Variants in C13orf42 observed in about 807,000 individuals in gnomAD.
C13orf42 encodes chromosome 13 open reading frame 42.
intron 1 of C13orf42, among the ~76,000 whole-genome samples, chr13:51,169,466 T>A (rs1027788518): frequency 6.6e-6 from 1 of 152,124 alleles, no homozygotes; most frequent in Admixed American, 6.5e-5. Flanking sequence ...GCTGCAGAAA[T>A]TTGCATATGT....
At chr13:51,152,491 G>T (rs1050242817) in intron 1 of C13orf42, among the ~76,000 whole-genome samples, 1 of 152,154 alleles carries the variant, frequency 6.6e-6, no homozygotes, top group African/African-American at 2.4e-5. Flanking sequence ...TGGAACTACA[G>T]GTGCATGCCA....
chr13:51,084,680 C>T (rs1411621223), intron 3 of C13orf42, among the ~76,000 whole-genome samples: 1 of 152,262 alleles, frequency 6.6e-6, no homozygotes, highest in Non-Finnish European at 1.5e-5. Flanking sequence ...TTGACAGGCC[C>T]TTCCGTTGTG....
intron 1 of C13orf42, among the ~76,000 whole-genome samples, chr13:51,118,909 C>G (rs950292702): frequency 6.6e-6 from 1 of 152,082 alleles, no homozygotes; most frequent in African/African-American, 2.4e-5. Flanking sequence ...GTACAGTATG[C>G]CCAGGTGTAC....
chr13:51,132,394 C>T (rs994869125), intron 1 of C13orf42, among the ~76,000 whole-genome samples: 3 of 151,436 alleles, frequency 2.0e-5, no homozygotes, highest in Admixed American at 2.0e-4. Context: ...GATCGCGCCA[C>T]TGCAATCCAG....
chr13:51,124,426 C>T (rs1394963503), intron 1 of C13orf42, among the ~76,000 whole-genome samples: 2 of 152,142 alleles, frequency 1.3e-5, no homozygotes, highest in East Asian at 3.8e-4. Context: ...ATCCACTGGG[C>T]GGTTACATAA....
At chr13:51,145,532 A>AT (rs201962220) in intron 1 of C13orf42, among the ~76,000 whole-genome samples, 8 of 152,182 alleles carry the variant, frequency 5.3e-5, no homozygotes, top group South Asian at 2.1e-4. Context: ...TCTCCAAAAG[A>AT]TTTTTTTAAA....
At chr13:51,166,289 G>A (rs963962454) in intron 1 of C13orf42, among the ~76,000 whole-genome samples, 1 of 151,762 alleles carries the variant, frequency 6.6e-6, no homozygotes, top group African/African-American at 2.4e-5. Flanking sequence ...CATGTCCTTT[G>A]TAGGGACATG....
rs973612541 is a variant in C13orf42, at chr13:51,083,789, G to A, written c.*362C>T. ...GTTCATTTCTGGTACTGAGCACATTGCTAGCAGCCACCTGGACAGACACGT... is the reference window on the plus strand; with the variant it reads ...GTTCATTTCTGGTACTGAGCACATTACTAGCAGCCACCTGGACAGACACGT... On this transcript the variant is annotated 3_prime_UTR_variant, in exon 4 of 4. Coordinates refer to ENST00000563710, the MANE Select transcript of C13orf42 (RefSeq NM_001351589.3). 1.2e-4 allele frequency: 20 copies of A among 171,564 alleles called. No homozygotes were observed. The highest frequency in any genetic ancestry group is 4.7e-4 in the African/African-American group (20 of 42,396). The allele number at this position is 171,564 out of a possible 1,614,324, so 10.6% of individuals were successfully genotyped here.
intron 1 of C13orf42, among the ~76,000 whole-genome samples, chr13:51,170,266 T>C (rs1238182300): frequency 6.6e-6 from 1 of 152,188 alleles, no homozygotes; most frequent in Non-Finnish European, 1.5e-5. Context: ...AACAGCCATG[T>C]TGCTCACACA....
At chr13:51,085,254 G>A (rs1020843538) in intron 3 of C13orf42, 65 bp downstream of exon 3, 13 of 392,524 alleles carry the variant, frequency 3.3e-5, no homozygotes, top group Non-Finnish European at 3.6e-5. Context: ...GCACCTTAAG[G>A]ATCACCCCAA....
At chr13:51,098,859 T>G (rs746780808) in intron 1 of C13orf42, among the ~76,000 whole-genome samples, 4 of 152,164 alleles carry the variant, frequency 2.6e-5, no homozygotes, top group Non-Finnish European at 5.9e-5. Flanking sequence ...ATTTGGCAAA[T>G]TTTAGGAACT....
intron 1 of C13orf42, among the ~76,000 whole-genome samples, chr13:51,110,237 A>G (rs965782855): frequency 6.6e-6 from 1 of 152,234 alleles, no homozygotes; most frequent in Non-Finnish European, 1.5e-5. Context: ...TGACAACAAT[A>G]ATTTTTTAAA....
intron 1 of C13orf42, among the ~76,000 whole-genome samples, chr13:51,169,629 G>A (rs1242784910): frequency 2.0e-5 from 3 of 152,248 alleles, no homozygotes; most frequent in Non-Finnish European, 2.9e-5. Flanking sequence ...GCCACTCTGT[G>A]CAGCCTGGGG....
At chr13:51,103,676 G>A (rs377631780) in intron 1 of C13orf42, among the ~76,000 whole-genome samples, 6 of 150,242 alleles carry the variant, frequency 4.0e-5, no homozygotes, top group African/African-American at 5.0e-5. Flanking sequence ...ATACCAGCGC[G>A]GGCCACAGTG....
At chr13:51,150,660 T>G (rs984676896) in intron 1 of C13orf42, among the ~76,000 whole-genome samples, 2 of 152,210 alleles carry the variant, frequency 1.3e-5, no homozygotes, top group African/African-American at 4.8e-5. Context: ...TGCAGTGGAC[T>G]AATCCAGATG....
chr13:51,120,077 T>C (rs1487764943), intron 1 of C13orf42, among the ~76,000 whole-genome samples: 1 of 152,140 alleles, frequency 6.6e-6, no homozygotes, highest in Non-Finnish European at 1.5e-5. Flanking sequence ...CAATAAATGG[T>C]CACTCAATAA....
intron 1 of C13orf42, among the ~76,000 whole-genome samples, chr13:51,103,767 T>G (rs2137993923): frequency 6.6e-6 from 1 of 152,270 alleles, no homozygotes; most frequent in Middle Eastern, 3.4e-3. Flanking sequence ...GACGTTGTGC[T>G]AAGTGCCATA....
At chr13:51,172,144 G>C (rs568866532) in intron 1 of C13orf42, 1 of 152,130 alleles carries the variant, frequency 6.6e-6, no homozygotes, top group Non-Finnish European at 1.5e-5. Flanking sequence ...CTTGCTACAC[G>C]TGCCAGAAAT....
chr13:51,131,435 TA>T (rs1312050797), intron 1 of C13orf42, among the ~76,000 whole-genome samples: 1 of 152,216 alleles, frequency 6.6e-6, no homozygotes, highest in Non-Finnish European at 1.5e-5. Context: ...ACACCTTGTC[TA>T]CACAGTCCCT....
Sources: allele counts gnomAD v4.1 joint callset (sites outside exome capture counted in the v4.1 genomes callset), GRCh38; gene constraint gnomAD v4.1.1; transcripts MANE v1.5; gene names NCBI Gene and HGNC (gene_info 2026-07-23, HGNC 2026-07-21).